The following CTCFL variants were observed in gnomAD, a reference collection of about 807,000 sequenced individuals.
CTCFL encodes transcriptional repressor CTCFL.
CTCFL carries 36 observed loss-of-function variants against 67.4 expected under a neutral mutation model. That is an observed-to-expected ratio of 0.53 (90% CI 0.41 to 0.71). CTCFL has a LOEUF of 0.71. Among genes scored for constraint, CTCFL ranks in the 30% least tolerant of loss-of-function variants. CTCFL has a pLI of 0.00. For missense variants in CTCFL, 786 were observed against 835.2 expected, an observed-to-expected ratio of 0.94 and a Z score of 0.73; for synonymous variants, 324 against 302.3, an observed-to-expected ratio of 1.07 and a Z score of -0.75.
intron 8 of CTCFL, among the ~76,000 whole-genome samples, chr20:57,510,911 C>T (rs186188745): frequency 1.3e-5 from 2 of 152,148 alleles, no homozygotes; most frequent in African/African-American, 4.8e-5. Context: ...GCTCTTCCCT[C>T]AGTCCACTGG....
At chr20:57,516,947 C>T (rs2068966358) in intron 5 of CTCFL, among the ~76,000 whole-genome samples, 1 of 152,190 alleles carries the variant, frequency 6.6e-6, no homozygotes, top group African/African-American at 2.4e-5. Context: ...CTACAGACAT[C>T]AGGAAGCTGC....
chr20:57,500,758 C>T (rs1379517723), intron 10 of CTCFL, among the ~76,000 whole-genome samples: 1 of 152,104 alleles, frequency 6.6e-6, no homozygotes, highest in Non-Finnish European at 1.5e-5. Flanking sequence ...AAAATGTCAC[C>T]GACTGAGGGT....
At chr20:57,507,735 G>A (rs963555453) in intron 9 of CTCFL, 10 of 702,902 alleles carry the variant, frequency 1.4e-5, no homozygotes, top group East Asian at 1.3e-4. Context: ...AGCCTCAGGA[G>A]TGGCCCTGAG....
intron 8 of CTCFL, among the ~76,000 whole-genome samples, chr20:57,509,095 A>G (rs1338767164): frequency 6.6e-6 from 1 of 152,166 alleles, no homozygotes; most frequent in Non-Finnish European, 1.5e-5. Flanking sequence ...TTGTCCTCTC[A>G]TTACTGGGAG....
rs896244366 is a variant in CTCFL at position 57,514,822 on chromosome 20, T to G, written c.1181-81A>C. The G allele has an allele frequency of 1.0e-4, 153 of 1,491,730 alleles. 1 individual carries two copies. The highest frequency in any genetic ancestry group is 1.4e-4 in the Non-Finnish European group (150 of 1,104,908). 92.4% of individuals were successfully genotyped at this position (1,491,730 alleles called of 1,614,324 possible). Reference sequence around the variant, plus strand: ...CACCTGTGCTGAAAGTGTTTTTTTTTTTTGCCCCAAGCCTCCTTTATCAAC... The same window carrying G: ...CACCTGTGCTGAAAGTGTTTTTTTTGTTTGCCCCAAGCCTCCTTTATCAAC... On this transcript the variant is annotated intron_variant, in intron 6 of 10. Transcript: ENST00000243914.
intron 10 of CTCFL, among the ~76,000 whole-genome samples, chr20:57,502,080 G>A (rs948763584): frequency 1.8e-4 from 27 of 152,236 alleles, no homozygotes; most frequent in African/African-American, 6.5e-4. Context: ...TTCCAACTGA[G>A]CTGAGTGATG....
Position 57,498,281 on chromosome 20 carries a change from T to A in CTCFL, c.*269A>T. 1 of 1,105,862 alleles carries A rather than the reference T, an allele frequency of 9.0e-7. No homozygotes were observed. Among genetic ancestry groups the A allele is most frequent in the Non-Finnish European group, 1.1e-6 (1 of 906,924 alleles). The allele number at this position is 1,105,862 out of a possible 1,614,324, so 68.5% of individuals were successfully genotyped here. ...AGGTTTAAAACTTTTATAAAATACC[T>A]GCAATGTTTCTTTGAAATATCCAGC... is the stretch of plus-strand genomic sequence containing the variant. On this transcript the variant is annotated 3_prime_UTR_variant, in exon 11 of 11. Coordinates refer to ENST00000243914, the MANE Select transcript of CTCFL (RefSeq NM_001386993.1).
At position 57,514,191 on chromosome 20, in the gene CTCFL, T is replaced by C. The variant is rs117044482; in HGVS notation, c.1330+401A>G. 2.5e-4 allele frequency among the ~76,000 whole-genome samples: 38 copies of C among 152,314 alleles called. No homozygotes were observed. The East Asian group carries it at 4.0e-3, about 16-fold the overall frequency. ...TTTAACAAAAGCTTGCTGGGTGCCA[T>C]AGATAGAGCACTGATAAATAGGAAC... is the stretch of plus-strand genomic sequence containing the variant. On this transcript the variant is annotated intron_variant, in intron 7 of 10. Coordinates refer to ENST00000243914, the MANE Select transcript of CTCFL (RefSeq NM_001386993.1).
chr20:57,524,465 G>A (rs2069694869), intron 1 of CTCFL: 6 of 1,303,886 alleles, frequency 4.6e-6, no homozygotes, highest in Non-Finnish European at 5.9e-6. Context: ...TTGGGCCTCA[G>A]CAGGCTTAGG....
At chr20:57,501,682 G>T (rs564279604) in intron 10 of CTCFL, among the ~76,000 whole-genome samples, 1 of 152,182 alleles carries the variant, frequency 6.6e-6, no homozygotes, top group African/African-American at 2.4e-5. Flanking sequence ...AGGAGCTGGC[G>T]GAGGATGGCG....
intron 7 of CTCFL, 95 bp downstream of exon 7, chr20:57,514,497 C>G: frequency 2.1e-6 from 3 of 1,437,020 alleles, no homozygotes; most frequent in Non-Finnish European, 2.8e-6. Flanking sequence ...GACCGGGCCT[C>G]CCAGTATCAG....
chr20:57,498,794 A>G, intron 10 of CTCFL, 93 bp from the exon 11 acceptor site: 1 of 1,107,862 alleles, frequency 9.0e-7, no homozygotes, highest in East Asian at 2.4e-5. Flanking sequence ...ACCATCACTT[A>G]AATTTGAACA....
chr20:57,503,297 A>C (rs779483571), intron 10 of CTCFL, 139 bp downstream of exon 10: 15 of 984,692 alleles, frequency 1.5e-5, no homozygotes, highest in Non-Finnish European at 2.3e-5. Context: ...GAGATCTGGC[A>C]CAAGCCACCT....
chr20:57,519,897 C>T (rs1227358471), intron 3 of CTCFL, among the ~76,000 whole-genome samples: 3 of 152,190 alleles, frequency 2.0e-5, no homozygotes, highest in African/African-American at 7.2e-5. Flanking sequence ...TAAATTTGGA[C>T]TTAAACTAAT....
chr20:57,512,469 C>G (rs2068626156), intron 8 of CTCFL, 123 bp downstream of exon 8: 1 of 940,628 alleles, frequency 1.1e-6, no homozygotes, highest in Non-Finnish European at 1.6e-6. Context: ...TCTGGTTATT[C>G]TGAATAGGCT....
chr20:57,498,352 T>C lies in CTCFL; in HGVS notation c.*198A>G, dbSNP rs528687598. 1 of 1,336,512 alleles carries C rather than the reference T, an allele frequency of 7.5e-7. No homozygotes were observed. Among genetic ancestry groups the C allele is most frequent in the Non-Finnish European group, 9.6e-7 (1 of 1,040,010 alleles). 82.8% of individuals were successfully genotyped at this position (1,336,512 alleles called of 1,614,324 possible). ...TAGACACTACCTCAAACTTGTGTCATCCATTGTCATGAACTTAATTGTTTC... is the reference window on the plus strand; with the variant it reads ...TAGACACTACCTCAAACTTGTGTCACCCATTGTCATGAACTTAATTGTTTC... On this transcript the variant is annotated 3_prime_UTR_variant, in exon 11 of 11. Transcript: ENST00000243914.
downstream of CTCFL, among the ~76,000 whole-genome samples, chr20:57,497,007 ATTTTTTT>A: frequency 7.2e-6 from 1 of 138,964 alleles, no homozygotes; most frequent in Non-Finnish European, 1.6e-5. Flanking sequence ...TGCTATTTCC[ATTTTTTT>A]TTTTTTTTTT....
rs563694975 is a variant in CTCFL, at chr20:57,511,226, GACAGGGTCTCATT to G, written c.1491+1353_1491+1365del. ...GCTAATTTTTGTATTTTTTTGTAGAGACAGGGTCTCATTATGTTGCCCAGGTTGGTCTTGAATT... is the reference window on the plus strand; with the variant it reads ...GCTAATTTTTGTATTTTTTTGTAGAGATGTTGCCCAGGTTGGTCTTGAATT... On this transcript the variant is annotated intron_variant, in intron 8 of 10. Coordinates refer to ENST00000243914, the MANE Select transcript of CTCFL (RefSeq NM_001386993.1). 5.4e-3 allele frequency among the ~76,000 whole-genome samples: 816 copies of G among 152,058 alleles called. 9 individuals carry two copies. Among genetic ancestry groups the G allele is most frequent in the African/African-American group, 0.018 (757 of 41,482 alleles).
In CTCFL at chr20:57,514,505, C is replaced by T. The variant is rs1277850641; in HGVS notation, c.1330+87G>A. On this transcript the variant is annotated intron_variant, in intron 7 of 10. Coordinates refer to ENST00000243914, the MANE Select transcript of CTCFL (RefSeq NM_001386993.1). ...TCCCGAAGACCGGGCCTCCCAGTAT[C>T]AGGGCCAGTACTTTGCAGGTTTATA... The T allele has an allele frequency of 4.0e-6, 6 of 1,484,078 alleles. No homozygotes were observed. The African/African-American group carries it at 8.4e-5, about 21-fold the overall frequency. The allele number at this position is 1,484,078 out of a possible 1,614,324, so 91.9% of individuals were successfully genotyped here.
Sources: allele counts gnomAD v4.1 joint callset (sites outside exome capture counted in the v4.1 genomes callset), GRCh38; gene constraint gnomAD v4.1.1; transcripts MANE v1.5; gene names NCBI Gene and HGNC (gene_info 2026-07-23, HGNC 2026-07-21).